MSH3: variants seen among roughly 807,000 people sequenced by gnomAD.
MSH3 encodes the protein DNA mismatch repair protein Msh3.
Under a neutral mutation model 123.3 loss-of-function variants are expected in MSH3, and 106 were observed. That is an observed-to-expected ratio of 0.86 (90% CI 0.73 to 1.01). The LOEUF is 1.01. Among genes scored for constraint, MSH3 ranks in the 50% least tolerant of loss-of-function variants. The pLI, the probability that MSH3 is intolerant of heterozygous loss-of-function variation, is 0.00. For synonymous variants in MSH3, 515 were observed against 481.4 expected (o/e 1.07, Z -0.91); for missense variants, 1,459 against 1,347.6 (o/e 1.08, Z -1.29).
chr5:80,789,313 G>A (rs1037029554), intron 18 of MSH3, among the ~76,000 whole-genome samples: 2 of 150,714 alleles, frequency 1.3e-5, no homozygotes, highest in Admixed American at 6.6e-5. Flanking sequence ...ATAATTTTAA[G>A]TGTCTCTCTC....
At chr5:80,727,672 A>G (rs567222845) in intron 9 of MSH3, among the ~76,000 whole-genome samples, 2 of 152,364 alleles carry the variant, frequency 1.3e-5, no homozygotes, top group South Asian at 2.1e-4. Context: ...TTGAATGCCT[A>G]TTATATGCCA....
intron 12 of MSH3, among the ~76,000 whole-genome samples, chr5:80,753,298 C>A (rs1743868588): frequency 6.6e-6 from 1 of 152,144 alleles, no homozygotes; most frequent in Admixed American, 6.5e-5. Context: ...GGTGCTTGCA[C>A]TGTCAGTTTC....
At chr5:80,695,949 G>A (rs1364597990) in intron 8 of MSH3, among the ~76,000 whole-genome samples, 1 of 152,140 alleles carries the variant, frequency 6.6e-6, no homozygotes, top group Non-Finnish European at 1.5e-5. Flanking sequence ...TGTTCTAGCT[G>A]GCTTTCCCTG....
chr5:80,767,944 A>G lies in MSH3; in HGVS notation c.1908A>G (p.Gln636=), dbSNP rs775279879. 5.6e-6 allele frequency: 9 copies of G among 1,609,424 alleles called. No individual in the cohort carries two copies. In the African/African-American group the frequency reaches 1.2e-4, roughly 22 times the overall value. The change falls in exon 14 of 24, where the codon CAA becomes CAG. Residue 636 remains glutamine, a synonymous_variant. Transcript: ENST00000265081. ...CSIYHKKCST[Q]EFFLIVKTLY... is the part of the protein sequence containing the mutation. ...ATTTCTATTTTCAGTGTTCTACCCA[A>G]GAGTTCTTCTTGATTGTCAAAACTT...
intron 8 of MSH3, among the ~76,000 whole-genome samples, chr5:80,693,578 C>A (rs906156707): frequency 8.1e-6 from 1 of 123,150 alleles, no homozygotes; most frequent in Non-Finnish European, 1.7e-5. Context: ...TATATATGCA[C>A]ATGTATATAA....
intron 10 of MSH3, among the ~76,000 whole-genome samples, chr5:80,737,772 C>T (rs1194399213): frequency 6.6e-6 from 1 of 152,096 alleles, no homozygotes; most frequent in African/African-American, 2.4e-5. Context: ...TAAATTTATA[C>T]TTATAAATAC....
At chr5:80,723,641 T>C (rs377420586) in intron 8 of MSH3, among the ~76,000 whole-genome samples, 2 of 152,356 alleles carry the variant, frequency 1.3e-5, no homozygotes, top group South Asian at 2.1e-4. Flanking sequence ...AATCAATTTG[T>C]ATGGTTATGA....
intron 2 of MSH3, among the ~76,000 whole-genome samples, chr5:80,663,697 A>T (rs1749498189): frequency 6.6e-6 from 1 of 152,246 alleles, no homozygotes; most frequent in African/African-American, 2.4e-5. Context: ...AGTCAAATTT[A>T]AATTTTTGTG....
chr5:80,828,963 A>G (rs572803271), intron 20 of MSH3, among the ~76,000 whole-genome samples: 154 of 152,304 alleles, frequency 1.0e-3, no homozygotes, highest in African/African-American at 3.6e-3. Context: ...TGGCAGTTCT[A>G]CAGTTCTGAG....
At chr5:80,673,631 T>C (rs760546137) in intron 6 of MSH3, among the ~76,000 whole-genome samples, 3 of 152,200 alleles carry the variant, frequency 2.0e-5, no homozygotes, top group Non-Finnish European at 4.4e-5. Flanking sequence ...AATATAGTGG[T>C]AGCCCGTCTT....
intron 3 of MSH3, among the ~76,000 whole-genome samples, chr5:80,665,700 A>G (rs1749554476): frequency 1.3e-5 from 2 of 152,226 alleles, no homozygotes; most frequent in Non-Finnish European, 1.5e-5. Context: ...TAGAGTTTCC[A>G]TGATTACCGT....
At chr5:80,732,844 C>A (rs765060780) in intron 10 of MSH3, among the ~76,000 whole-genome samples, 5 of 152,132 alleles carry the variant, frequency 3.3e-5, no homozygotes, top group Non-Finnish European at 5.9e-5. Context: ...ATAAAAAACG[C>A]TCAAAAAACT....
chr5:80,684,199 A>AT lies in MSH3; in HGVS notation c.1340+5112dup, dbSNP rs1413773325. ...CGTTGCTCATATACATTTTAGGCTA[A>AT]TTTTTTCCATTTCTGTGAAAAATGT... On this transcript the variant is annotated intron_variant, in intron 8 of 23. Coordinates refer to ENST00000265081, the MANE Select transcript of MSH3 (RefSeq NM_002439.5). Among the ~76,000 whole-genome samples the AT allele has an allele frequency of 2.0e-5, 3 of 152,060 alleles. No individual in the cohort carries two copies. The South Asian group carries it at 6.2e-4, about 32-fold the overall frequency.
intron 1 of MSH3, chr5:80,655,228 A>C: frequency 3.0e-6 from 1 of 332,302 alleles, no homozygotes; most frequent in Non-Finnish European, 5.4e-6. Flanking sequence ...AGGTCTCCTG[A>C]CTCCCATTCT....
chr5:80,685,783 G>A (rs1750075339), intron 8 of MSH3, among the ~76,000 whole-genome samples: 1 of 151,816 alleles, frequency 6.6e-6, no homozygotes, highest in Admixed American at 6.6e-5. Context: ...TCATGTAGGT[G>A]CTTTTAGCTA....
chr5:80,785,530 A>G (rs1482971798), intron 17 of MSH3, among the ~76,000 whole-genome samples: 1 of 152,172 alleles, frequency 6.6e-6, no homozygotes, highest in Non-Finnish European at 1.5e-5. Flanking sequence ...TAGTTCAACC[A>G]TTGTGGAAGT....
chr5:80,808,821 G>A (rs1041050159), intron 19 of MSH3, among the ~76,000 whole-genome samples: 1 of 132,444 alleles, frequency 7.6e-6, no homozygotes, highest in Non-Finnish European at 1.6e-5. Context: ...GAAAGGGAAA[G>A]TGTCAGACTT....
chr5:80,714,545 G>A (rs936525548), intron 8 of MSH3, among the ~76,000 whole-genome samples: 1 of 152,066 alleles, frequency 6.6e-6, no homozygotes, highest in East Asian at 1.9e-4. Context: ...TAACCAGTTT[G>A]AAAAAATATT....
chr5:80,672,569 A>G (rs546465967), intron 5 of MSH3, among the ~76,000 whole-genome samples, 172 bp from the exon 6 acceptor site: 1 of 152,334 alleles, frequency 6.6e-6, no homozygotes, highest in South Asian at 2.1e-4. Context: ...AAACTCTATG[A>G]TAGTGTTTCT....
Sources: allele counts gnomAD v4.1 joint callset (sites outside exome capture counted in the v4.1 genomes callset), GRCh38; gene constraint gnomAD v4.1.1; transcripts MANE v1.5; gene names NCBI Gene and HGNC (gene_info 2026-07-23, HGNC 2026-07-21).